The following TRAF3IP1 variants were observed in gnomAD, a reference collection of about 807,000 sequenced individuals.
TRAF3IP1 encodes the protein TRAF3-interacting protein 1.
Under a neutral mutation model 89.9 loss-of-function variants are expected in TRAF3IP1, and 53 were observed. That is an observed-to-expected ratio of 0.59 (90% CI 0.47 to 0.74). TRAF3IP1 has a LOEUF of 0.74. Among genes scored for constraint, TRAF3IP1 ranks in the 30% least tolerant of loss-of-function variants. TRAF3IP1 has a pLI of 0.00. For synonymous variants in TRAF3IP1, 311 were observed against 322.1 expected (o/e 0.97, Z 0.37); for missense variants, 806 against 866.1 (o/e 0.93, Z 0.87).
intron 15 of TRAF3IP1, among the ~76,000 whole-genome samples, chr2:238,377,908 T>C (rs1056704422): frequency 2.6e-5 from 4 of 152,170 alleles, no homozygotes; most frequent in Non-Finnish European, 5.9e-5. Flanking sequence ...TGTTTTCGAG[T>C]CCATTTTGAC....
chr2:238,328,650 A>C, intron 3 of TRAF3IP1, 36 bp from the exon 4 acceptor site: 1 of 1,600,132 alleles, frequency 6.2e-7, no homozygotes, highest in Non-Finnish European at 8.5e-7. Context: ...ATCTCATTTC[A>C]CCTAACACCT....
intron 15 of TRAF3IP1, among the ~76,000 whole-genome samples, chr2:238,373,728 T>G (rs564132249): frequency 6.6e-6 from 1 of 152,332 alleles, no homozygotes; most frequent in African/African-American, 2.4e-5. Context: ...TTGGGCAGTA[T>G]GGCCATTTTC....
At chr2:238,369,150 G>A (rs1334084958) in intron 15 of TRAF3IP1, among the ~76,000 whole-genome samples, 1 of 152,034 alleles carries the variant, frequency 6.6e-6, no homozygotes, top group Non-Finnish European at 1.5e-5. Context: ...TGTACAAGTA[G>A]AGTTCATTTA....
At chr2:238,350,819 AC>A (rs1699117079) in intron 12 of TRAF3IP1, among the ~76,000 whole-genome samples, 1 of 151,976 alleles carries the variant, frequency 6.6e-6, no homozygotes, top group Non-Finnish European at 1.5e-5. Flanking sequence ...AGTTGGCTAC[AC>A]CTACAGGCAC....
At chr2:238,398,485 T>C (rs1042199069) in intron 16 of TRAF3IP1, among the ~76,000 whole-genome samples, 5 of 151,704 alleles carry the variant, frequency 3.3e-5, no homozygotes, top group Non-Finnish European at 7.4e-5. Context: ...GGGACTTTGC[T>C]GCATACCTCC....
chr2:238,398,997 A>G lies in TRAF3IP1; in HGVS notation c.*78A>G. The G allele has an allele frequency of 7.5e-7, 1 of 1,326,152 alleles. No individual in the cohort carries two copies. The highest frequency in any genetic ancestry group is 1.0e-6 in the Non-Finnish European group (1 of 968,422). The allele number at this position is 1,326,152 out of a possible 1,614,324, so 82.1% of individuals were successfully genotyped here. A position where few individuals can be genotyped will look rare whatever the true frequency, so the allele number is the denominator to read the frequency against. ...AAGATAGAAAATCATTACTCTTTTA[A>G]GTTCCAGTTTGCTAAGAAAATGAAC... On this transcript the variant is annotated 3_prime_UTR_variant, in exon 17 of 17. Coordinates refer to ENST00000373327, the MANE Select transcript of TRAF3IP1 (RefSeq NM_015650.4).
chr2:238,328,901 A>G, intron 4 of TRAF3IP1, 25 bp from the exon 5 acceptor site: 2 of 1,580,470 alleles, frequency 1.3e-6, no homozygotes, highest in Non-Finnish European at 1.7e-6. Flanking sequence ...AAATATTCAT[A>G]AATGATTTTA....
At chr2:238,380,292 A>C (rs1700491410) in intron 15 of TRAF3IP1, among the ~76,000 whole-genome samples, 1 of 152,156 alleles carries the variant, frequency 6.6e-6, no homozygotes, top group South Asian at 2.1e-4. Flanking sequence ...TGAGCCCTGC[A>C]GGAGCCACGT....
chr2:238,340,220 A>G (rs1241265124), intron 8 of TRAF3IP1, among the ~76,000 whole-genome samples: 1 of 152,114 alleles, frequency 6.6e-6, no homozygotes, highest in Non-Finnish European at 1.5e-5. Flanking sequence ...GTTACCTTGC[A>G]CTGGTCATGG....
chr2:238,328,881 G>A, intron 4 of TRAF3IP1, 45 bp from the exon 5 acceptor site: 2 of 1,592,160 alleles, frequency 1.3e-6, no homozygotes, highest in Non-Finnish European at 8.5e-7. Context: ...TCTTTTTGTA[G>A]TTTAGGTAAA....
chr2:238,361,853 C>A (rs150201920), intron 15 of TRAF3IP1, among the ~76,000 whole-genome samples: 3 of 152,310 alleles, frequency 2.0e-5, no homozygotes, highest in Non-Finnish European at 4.4e-5. Flanking sequence ...TTACCACTAA[C>A]TTCCACTCCA....
At chr2:238,335,765 AT>A (rs1156492560) in intron 7 of TRAF3IP1, among the ~76,000 whole-genome samples, 27 of 121,828 alleles carry the variant, frequency 2.2e-4, no homozygotes, top group South Asian at 5.4e-4. Context: ...ATTTTATTTT[AT>A]TTTATTTATT....
intron 12 of TRAF3IP1, among the ~76,000 whole-genome samples, chr2:238,350,951 A>G (rs1005597869): frequency 6.6e-6 from 1 of 152,052 alleles, no homozygotes; most frequent in Non-Finnish European, 1.5e-5. Context: ...GATTTATGCC[A>G]GTGAGTGAGG....
chr2:238,346,162 G>C (rs1018803897), intron 9 of TRAF3IP1, among the ~76,000 whole-genome samples: 1 of 152,112 alleles, frequency 6.6e-6, no homozygotes, highest in Middle Eastern at 3.2e-3. Flanking sequence ...CTAAGCACAC[G>C]CTCCAGGCCG....
At chr2:238,344,724 C>A in intron 9 of TRAF3IP1, 126 bp downstream of exon 9, 1 of 775,498 alleles carries the variant, frequency 1.3e-6, no homozygotes, top group Non-Finnish European at 2.3e-6. Context: ...GCAAGTGATT[C>A]ACAGTGATTC....
chr2:238,326,565 G>C (rs1040112681), intron 3 of TRAF3IP1, among the ~76,000 whole-genome samples: 2 of 152,102 alleles, frequency 1.3e-5, no homozygotes, highest in African/African-American at 4.8e-5. Flanking sequence ...AAGGCCTCAG[G>C]CTTCTCTAGT....
At chr2:238,380,684 C>T (rs985322229) in intron 15 of TRAF3IP1, among the ~76,000 whole-genome samples, 4 of 152,156 alleles carry the variant, frequency 2.6e-5, no homozygotes, top group Admixed American at 6.5e-5. Flanking sequence ...GATTCACCCC[C>T]GGCCCCAAGG....
In TRAF3IP1 at chr2:238,332,848, A is replaced by G; in HGVS notation, c.940A>G (p.Lys314Glu). Residue 314 changes from lysine to glutamate, a missense_variant, in exon 6 of 17, where the codon AAA becomes GAA. Physicochemically the swap from Lys to Glu is moderately conservative, Grantham distance 56. This residue lies in a region of TRAF3IP1 where 732 missense variants were observed against 780.5 expected (regional missense o/e 0.94). Transcript: ENST00000373327. ...GTCAGCAAGCTCAGGGGAGATGTCT[A>G]AAAAGTTATCAGATGGAACTTTTAA... ...KKSASSGEMS[K>E]KLSDGTFKDS... 1.2e-6 allele frequency: 2 copies of G among 1,613,036 alleles called. No individual in the cohort carries two copies. Among genetic ancestry groups the G allele is most frequent in the African/African-American group, 2.7e-5 (2 of 74,916 alleles).
intron 15 of TRAF3IP1, among the ~76,000 whole-genome samples, chr2:238,392,471 G>A (rs1281328719): frequency 6.6e-6 from 1 of 151,918 alleles, no homozygotes; most frequent in Non-Finnish European, 1.5e-5. Flanking sequence ...CCAGAATCTT[G>A]TGTAAAAGGA....
Sources: allele counts gnomAD v4.1 joint callset (sites outside exome capture counted in the v4.1 genomes callset), GRCh38; gene constraint gnomAD v4.1.1; regional missense constraint gnomAD v4.1.1; transcripts MANE v1.5; gene names NCBI Gene and HGNC (gene_info 2026-07-23, HGNC 2026-07-21).